Variants in MINDY3 observed in about 807,000 individuals in gnomAD.
The protein encoded by MINDY3 is ubiquitin carboxyl-terminal hydrolase MINDY-3.
A neutral mutation model predicts 69.2 loss-of-function variants in MINDY3; 38 were observed. The ratio of observed to expected loss-of-function variants is 0.55; its 90% CI spans 0.42 to 0.72. MINDY3 has a LOEUF of 0.72. Ranked by LOEUF, MINDY3 falls within the 30% of genes least tolerant of loss-of-function variation. The probability of loss-of-function intolerance (pLI) is 0.00; values close to 1 mark genes in which losing one functional copy is unlikely to be tolerated. For synonymous variants in MINDY3, 192 were observed against 180.1 expected (o/e 1.07, Z -0.53); for missense variants, 522 against 519.0 (o/e 1.01, Z -0.06).
chr10:15,858,957 A>G (rs1834886616), intron 1 of MINDY3, among the ~76,000 whole-genome samples: 1 of 152,194 alleles, frequency 6.6e-6, no homozygotes, highest in African/African-American at 2.4e-5. Flanking sequence ...CCAAGTCATT[A>G]CATGTAGGGT....
intron 1 of MINDY3, among the ~76,000 whole-genome samples, chr10:15,859,308 T>C (rs1588672774): frequency 3.3e-5 from 5 of 152,290 alleles, no homozygotes; most frequent in Admixed American, 3.3e-4. Context: ...GTTCCCTAAA[T>C]AGATGTTTTA....
chr10:15,796,475 T>C (rs1837838076), intron 10 of MINDY3, among the ~76,000 whole-genome samples: 1 of 140,294 alleles, frequency 7.1e-6, no homozygotes, highest in Admixed American at 6.9e-5. Flanking sequence ...AAATGTAGCA[T>C]GAAAAAAAAA....
At chr10:15,853,813 G>A (rs1399304394) in intron 1 of MINDY3, among the ~76,000 whole-genome samples, 2 of 151,632 alleles carry the variant, frequency 1.3e-5, no homozygotes, top group African/African-American at 4.8e-5. Flanking sequence ...TTGAGTATCT[G>A]GCTGACATTT....
At chr10:15,853,542 T>A (rs1480773190) in intron 1 of MINDY3, among the ~76,000 whole-genome samples, 1 of 152,100 alleles carries the variant, frequency 6.6e-6, no homozygotes, top group African/African-American at 2.4e-5. Context: ...AGAACATACT[T>A]ACTGCTGCAG....
intron 14 of MINDY3, 44 bp from the exon 15 acceptor site, chr10:15,779,185 G>A (rs368207347): frequency 1.3e-6 from 2 of 1,568,882 alleles, no homozygotes; most frequent in Non-Finnish European, 1.7e-6. Flanking sequence ...AACAGTCTTA[G>A]CAAATTCTTA....
intron 10 of MINDY3, among the ~76,000 whole-genome samples, chr10:15,802,053 A>C (rs1838300165): frequency 6.6e-6 from 1 of 151,434 alleles, no homozygotes; most frequent in Non-Finnish European, 1.5e-5. Flanking sequence ...ACGAGATTAC[A>C]GTATATAATA....
intron 8 of MINDY3, among the ~76,000 whole-genome samples, chr10:15,829,249 G>A (rs1172576631): frequency 6.6e-6 from 1 of 152,166 alleles, no homozygotes; most frequent in East Asian, 1.9e-4. Context: ...GATGGAATGA[G>A]CAGGATGACA....
intron 11 of MINDY3, among the ~76,000 whole-genome samples, chr10:15,790,816 G>T (rs995311248): frequency 2.6e-5 from 4 of 152,080 alleles, no homozygotes; most frequent in African/African-American, 9.7e-5. Flanking sequence ...TCAAAATTTT[G>T]GAGGATCAAC....
At chr10:15,842,266 A>T (rs1369979456) in intron 3 of MINDY3, among the ~76,000 whole-genome samples, 2 of 151,870 alleles carry the variant, frequency 1.3e-5, no homozygotes, top group Non-Finnish European at 3.0e-5. Flanking sequence ...TGATACAAGG[A>T]GGTTTCTGTC....
In MINDY3 at chr10:15,792,952, TTACTCTTAAGTCCA is replaced by T. The variant is rs535914779; in HGVS notation, c.955+3134_955+3147del. On this transcript the variant is annotated intron_variant, in intron 11 of 14. Transcript: ENST00000277632. Reference sequence around the variant, plus strand: ...TTGAGTGCTGACTAATCATATAAAGTTACTCTTAAGTCCATTTTACAGATGAAAAACTGAGGTAG... The same window carrying T: ...TTGAGTGCTGACTAATCATATAAAGTTTTTACAGATGAAAAACTGAGGTAG... Among the ~76,000 whole-genome samples, 12 of 152,190 alleles carry T rather than the reference TTACTCTTAAGTCCA, an allele frequency of 7.9e-5. No homozygotes were observed. In the East Asian group the frequency reaches 2.3e-3, roughly 29 times the overall value.
At chr10:15,848,805 C>T (rs556032395) in intron 1 of MINDY3, among the ~76,000 whole-genome samples, 2 of 152,246 alleles carry the variant, frequency 1.3e-5, no homozygotes, top group African/African-American at 4.8e-5. Context: ...TAGGAGAACC[C>T]AGTGACCATC....
chr10:15,780,773 C>G (rs1276707863), intron 14 of MINDY3, among the ~76,000 whole-genome samples: 1 of 152,086 alleles, frequency 6.6e-6, no homozygotes, highest in Non-Finnish European at 1.5e-5. Context: ...TATTTGTTTT[C>G]TAATCTTTTT....
At chr10:15,780,296 G>A (rs1252648186) in intron 14 of MINDY3, among the ~76,000 whole-genome samples, 1 of 152,104 alleles carries the variant, frequency 6.6e-6, no homozygotes, top group Non-Finnish European at 1.5e-5. Flanking sequence ...ACATTGTAAC[G>A]TGAAATACAT....
chr10:15,785,036 C>CA (rs1418680572), intron 13 of MINDY3, among the ~76,000 whole-genome samples: 3 of 152,136 alleles, frequency 2.0e-5, no homozygotes. Flanking sequence ...CACATTGCTG[C>CA]ACCCACCCTT....
At chr10:15,816,995 A>G (rs1839420084) in intron 9 of MINDY3, 80 bp from the exon 10 acceptor site, 2 of 1,035,742 alleles carry the variant, frequency 1.9e-6, no homozygotes, top group Non-Finnish European at 3.0e-6. Context: ...AAATATCTGA[A>G]GCATAAAGTG....
At chr10:15,830,511 C>T (rs1246138842) in intron 8 of MINDY3, among the ~76,000 whole-genome samples, 2 of 152,184 alleles carry the variant, frequency 1.3e-5, no homozygotes, top group African/African-American at 4.8e-5. Flanking sequence ...GATACACTGC[C>T]TCTTACACTA....
intron 11 of MINDY3, among the ~76,000 whole-genome samples, chr10:15,792,487 AGT>A (rs1837494791): frequency 1.3e-5 from 2 of 152,154 alleles, no homozygotes; most frequent in South Asian, 2.1e-4. Flanking sequence ...TGACAGAAAC[AGT>A]GCTAACAGTG....
At chr10:15,811,963 A>T (rs1293183692) in intron 10 of MINDY3, among the ~76,000 whole-genome samples, 2 of 151,754 alleles carry the variant, frequency 1.3e-5, no homozygotes, top group Admixed American at 6.6e-5. Context: ...TTTTTTTGAG[A>T]TGGAGTCTTG....
chr10:15,824,574 A>G (rs181139232), intron 8 of MINDY3, among the ~76,000 whole-genome samples: 1 of 152,308 alleles, frequency 6.6e-6, no homozygotes, highest in Admixed American at 6.5e-5. Flanking sequence ...ATAGGTATAA[A>G]TGGATACTTC....
Sources: gnomAD v4.1 joint callset for allele counts (sites outside exome capture counted in the v4.1 genomes callset) on GRCh38, gnomAD v4.1.1 for gene constraint, MANE v1.5 for transcripts, NCBI Gene and HGNC (gene_info 2026-07-23, HGNC 2026-07-21) for gene names.